Variants in TTC6 observed in about 807,000 individuals in gnomAD.
The protein encoded by TTC6 is tetratricopeptide repeat protein 6.
In TTC6, 172 loss-of-function variants were observed where a neutral mutation model predicts 210.4. That is an observed-to-expected ratio of 0.82 (90% CI 0.72 to 0.93). TTC6 has a LOEUF of 0.93. Among genes scored for constraint, TTC6 ranks in the 40% least tolerant of loss-of-function variants. The pLI is 0.00. For missense variants in TTC6, 2,414 were observed against 2,318.1 expected (o/e 1.04, Z -0.85); for synonymous variants, 804 against 819.6 (o/e 0.98, Z 0.32).
chr14:37,797,422 T>C (rs1306758882), intron 20 of TTC6, among the ~76,000 whole-genome samples: 1 of 152,092 alleles, frequency 6.6e-6, no homozygotes, highest in Non-Finnish European at 1.5e-5. Context: ...AGCATCAGGT[T>C]GAGAATCTTT....
At chr14:37,718,260 G>A (rs926792761) in intron 6 of TTC6, among the ~76,000 whole-genome samples, 8 of 152,128 alleles carry the variant, frequency 5.3e-5, no homozygotes, top group Non-Finnish European at 1.2e-4. Flanking sequence ...GGCTTTCTCA[G>A]TATTGGAAAG....
intron 29 of TTC6, among the ~76,000 whole-genome samples, chr14:37,834,171 C>A (rs1219121242): frequency 6.6e-6 from 1 of 152,022 alleles, no homozygotes; most frequent in African/African-American, 2.4e-5. Flanking sequence ...TGGAGAGGGC[C>A]TTTTTGGGTT....
intron 10 of TTC6, among the ~76,000 whole-genome samples, chr14:37,745,900 G>T (rs2095934553): frequency 6.6e-6 from 1 of 152,038 alleles, no homozygotes; most frequent in African/African-American, 2.4e-5. Flanking sequence ...AACTGGCTGG[G>T]GTCTGAAAGC....
intron 14 of TTC6, among the ~76,000 whole-genome samples, chr14:37,768,639 G>A (rs2096007145): frequency 1.3e-5 from 2 of 150,186 alleles, no homozygotes; most frequent in Non-Finnish European, 1.5e-5. Context: ...TGTGATTTTT[G>A]TACATTGATT....
chr14:37,711,688 A>G (rs2095844986), intron 5 of TTC6, among the ~76,000 whole-genome samples: 2 of 152,208 alleles, frequency 1.3e-5, no homozygotes, highest in South Asian at 4.1e-4. Flanking sequence ...CTTGGGTTGT[A>G]TATACTGTGT....
chr14:37,829,385 G>GT (rs1474371417), intron 29 of TTC6, among the ~76,000 whole-genome samples: 9 of 151,288 alleles, frequency 5.9e-5, no homozygotes, highest in East Asian at 5.8e-4. Context: ...CTTTTTTTCA[G>GT]TTTTTGTAAT....
chr14:37,809,495 G>A (rs891120783), intron 24 of TTC6, among the ~76,000 whole-genome samples: 5 of 151,998 alleles, frequency 3.3e-5, no homozygotes, highest in Non-Finnish European at 5.9e-5. Context: ...CTCGTGATCC[G>A]CCTGCCTCGG....
chr14:37,743,880 A>G (rs1312647525), intron 10 of TTC6, among the ~76,000 whole-genome samples: 1 of 152,202 alleles, frequency 6.6e-6, no homozygotes, highest in Non-Finnish European at 1.5e-5. Context: ...TGAAAGAGTG[A>G]AGCCTCTGAG....
At chr14:37,837,652 G>T in intron 29 of TTC6, 1 of 189,502 alleles carries the variant, frequency 5.3e-6, no homozygotes, top group Non-Finnish European at 1.1e-5. Context: ...TTACATATTA[G>T]TTCACTTAAC....
chr14:37,640,063 A>G (rs1372739238), intron 1 of TTC6, among the ~76,000 whole-genome samples: 1 of 152,034 alleles, frequency 6.6e-6, no homozygotes. Context: ...ATTTCGAATC[A>G]AGCTAGAAGT....
intron 10 of TTC6, 104 bp from the exon 13 acceptor site, chr14:37,748,830 ATTTTG>A: frequency 1.2e-6 from 1 of 804,418 alleles, no homozygotes; most frequent in South Asian, 2.2e-5. Context: ...TTAGCATGTA[ATTTTG>A]TTTTGATAAC....
chr14:37,745,861 C>A (rs1471163001), intron 10 of TTC6, among the ~76,000 whole-genome samples: 1 of 152,148 alleles, frequency 6.6e-6, no homozygotes. Flanking sequence ...TTTGCCCAAC[C>A]TTCCTGTTAA....
chr14:37,607,311 G>A (rs1038245825), intron 2 of TTC6, among the ~76,000 whole-genome samples: 4 of 152,180 alleles, frequency 2.6e-5, no homozygotes, highest in African/African-American at 9.7e-5. Context: ...CAAGGCCTCA[G>A]CATCTTTGGT....
chr14:37,839,224 G>C (rs2096204682), intron 29 of TTC6, among the ~76,000 whole-genome samples: 1 of 152,204 alleles, frequency 6.6e-6, no homozygotes, highest in Non-Finnish European at 1.5e-5. Flanking sequence ...ATCACCCACT[G>C]TCTTCCACAA....
At chr14:37,656,010 T>C (rs1403262195) in intron 1 of TTC6, among the ~76,000 whole-genome samples, 2 of 152,180 alleles carry the variant, frequency 1.3e-5, no homozygotes, top group Admixed American at 1.3e-4. Flanking sequence ...ATAGCTCTCA[T>C]CTCCACAGTA....
rs532690678 is a variant in TTC6, at chr14:37,670,474, C to CCTTTTTTTTTTTTT, written c.940-9677_940-9676insCTTTTTTTTTTTTT. On this transcript the variant is annotated intron_variant, in intron 1 of 30. Coordinates refer to ENST00000553443, the Ensembl canonical transcript of TTC6. ...TAAGGATCTAGCACAAACTACCTCA[C>CCTTTTTTTTTTTTT]TTTTTTTTTTTTTTTTTTTTTAGTC... Among the ~76,000 whole-genome samples, 92 of 121,316 alleles carry CCTTTTTTTTTTTTT rather than the reference C, an allele frequency of 7.6e-4. 9 individuals carry two copies. The highest frequency in any genetic ancestry group is 4.8e-3 in the Middle Eastern group (1 of 208). The allele number at this position is 121,316 out of a possible 152,430, so 79.6% of individuals were successfully genotyped here.
intron 5 of TTC6, among the ~76,000 whole-genome samples, chr14:37,702,459 T>TC (rs1258410975): frequency 6.6e-6 from 1 of 152,086 alleles, no homozygotes; most frequent in Non-Finnish European, 1.5e-5. Context: ...CACACTGTGC[T>TC]CCCCCGACCC....
intron 29 of TTC6, among the ~76,000 whole-genome samples, chr14:37,835,665 G>T (rs1025636873): frequency 6.6e-6 from 1 of 152,138 alleles, no homozygotes; most frequent in Non-Finnish European, 1.5e-5. Flanking sequence ...AAGAAAGAAA[G>T]ACAAGATGGC....
intron 26 of TTC6, among the ~76,000 whole-genome samples, chr14:37,822,453 G>A (rs1335813539): frequency 4.6e-5 from 7 of 152,064 alleles, no homozygotes; most frequent in Non-Finnish European, 1.0e-4. Context: ...GGAAAAATGG[G>A]CAAAGTAGTG....
Sources: allele counts gnomAD v4.1 joint callset (sites outside exome capture counted in the v4.1 genomes callset), GRCh38; gene constraint gnomAD v4.1.1; transcripts MANE v1.5; gene names NCBI Gene and HGNC (gene_info 2026-07-23, HGNC 2026-07-21).